C1QA: variants seen among roughly 807,000 people sequenced by gnomAD.
The protein encoded by C1QA is complement C1q A chain.
A neutral mutation model predicts 6.9 loss-of-function variants in C1QA; 3 were observed. That is an observed-to-expected ratio of 0.44 (90% CI 0.20 to 1.12). The LOEUF is 1.12. Among genes scored for constraint, C1QA ranks in the 50% most tolerant of loss-of-function variants. C1QA has a pLI of 0.27. For missense variants in C1QA, 273 were observed against 326.6 expected (o/e 0.84, Z 1.26); for synonymous variants, 128 against 134.1 (o/e 0.95, Z 0.31).
In C1QA at chr1:22,637,233, G is replaced by T. The variant is rs561847201; in HGVS notation, c.-7-377G>T. ...TTGTTCAATGAAATCGATTACCTGT[G>T]GGAGTGTATGAATGTGTGTGTCCGT... On this transcript the variant is annotated intron_variant, in intron 1 of 2. Transcript: ENST00000374642. The surrounding 1 kb of genome is among the most constrained non-coding windows in gnomAD (Gnocchi z 4.4). 6.6e-6 allele frequency among the ~76,000 whole-genome samples: 1 copy of T among 152,336 alleles called. No homozygotes were observed. Among genetic ancestry groups the T allele is most frequent in the South Asian group, 2.1e-4 (1 of 4,828 alleles).
chr1:22,638,121 T>A (rs547523108), intron 2 of C1QA, among the ~76,000 whole-genome samples: 2 of 152,272 alleles, frequency 1.3e-5, no homozygotes, highest in East Asian at 3.9e-4. Context: ...GGACTCAGAG[T>A]TTAGACTCAG....
In C1QA at chr1:22,637,666, T is replaced by C; in HGVS notation, c.50T>C (p.Leu17Pro). ...WLVLCVLAIS[L>P]ASMVTEDLCR... is the part of the protein sequence containing the mutation. ...GTGCTCTGTGTGCTGGCCATATCGC[T>C]GGCCTCTATGGTGACCGAGGACTTG... Residue 17 changes from leucine (L) to proline (P), a missense_variant, in exon 2 of 3, where the codon CTG (leucine) becomes CCG (proline). By Grantham distance (98) the Leu-to-Pro change is moderately conservative. Transcript: ENST00000374642. The surrounding 1 kb of genome is among the most constrained non-coding windows in gnomAD (Gnocchi z 4.4). The C allele has an allele frequency of 9.3e-6, 15 of 1,614,082 alleles. No homozygotes were observed. The highest frequency in any genetic ancestry group is 1.3e-5 in the Non-Finnish European group (15 of 1,179,970).
Position 22,639,378 on chromosome 1 carries a change from A to C in C1QA, c.709A>C (p.Ser237Arg). ...YQGSEADSVF[S>R]GFLIFPSA is the part of the protein sequence containing the mutation. ...GGGCTCTGAGGCCGACAGCGTCTTCAGCGGCTTCCTCATCTTCCCATCTGC... is the reference window on the plus strand; with the variant it reads ...GGGCTCTGAGGCCGACAGCGTCTTCCGCGGCTTCCTCATCTTCCCATCTGC... Residue 237 changes from serine to arginine, a missense_variant, in exon 3 of 3, where the codon AGC becomes CGC. Ser to Arg is a moderately radical substitution (Grantham distance 110). Transcript: ENST00000374642. This position sits in a 1 kb window ranked among gnomAD's most constrained non-coding sequence, Gnocchi z 4.6. 6.2e-7 allele frequency: 1 copy of C among 1,613,896 alleles called. No homozygotes were observed. The highest frequency in any genetic ancestry group is 8.5e-7 in the Non-Finnish European group (1 of 1,180,030).
In C1QA at chr1:22,639,422, C is replaced by T. The variant is rs1426904713; in HGVS notation, c.*15C>T. 1 of 1,610,440 alleles carries T rather than the reference C, an allele frequency of 6.2e-7. No homozygotes were observed. Reference sequence around the variant, plus strand: ...CATCTGCCTGAGCCAGGGAAGGACCCCCTCCCCCACCCACCTCTCTGGCTT... The same window carrying T: ...CATCTGCCTGAGCCAGGGAAGGACCTCCTCCCCCACCCACCTCTCTGGCTT... On this transcript the variant is annotated 3_prime_UTR_variant, in exon 3 of 3. Coordinates refer to ENST00000374642, the MANE Select transcript of C1QA (RefSeq NM_015991.4). This position sits in a 1 kb window ranked among gnomAD's most constrained non-coding sequence, Gnocchi z 4.6.
intron 1 of C1QA, 144 bp downstream of exon 1, chr1:22,636,846 C>T (rs1642188979): frequency 6.6e-6 from 1 of 152,632 alleles, no homozygotes; most frequent in Non-Finnish European, 1.5e-5. Flanking sequence ...AGCACTGATC[C>T]AGGACCCAGA....
Position 22,637,845 on chromosome 1 carries a change from C to T in C1QA, c.163+66C>T. ...CCTGACTTGGCCTCCAGGGTGAAGG[C>T]TTGGGGTGGCACTGAGAATCAGGAG... On this transcript the variant is annotated intron_variant, in intron 2 of 2. Coordinates refer to ENST00000374642, the MANE Select transcript of C1QA (RefSeq NM_015991.4). This position sits in a 1 kb window ranked among gnomAD's most constrained non-coding sequence, Gnocchi z 4.4. 1 of 1,490,174 alleles carries T rather than the reference C, an allele frequency of 6.7e-7. No individual in the cohort carries two copies. The highest frequency in any genetic ancestry group is 1.3e-5 in the South Asian group (1 of 76,984). 92.3% of individuals were successfully genotyped at this position (1,490,174 alleles called of 1,614,324 possible).
At position 22,639,194 on chromosome 1, in the gene C1QA, C is replaced by A; in HGVS notation, c.525C>A (p.Ile175=). The change falls in exon 3 of 3, where the codon ATC becomes ATA. Residue 175 remains isoleucine, a synonymous_variant. Coordinates refer to ENST00000374642, the MANE Select transcript of C1QA (RefSeq NM_015991.4). This position sits in a 1 kb window ranked among gnomAD's most constrained non-coding sequence, Gnocchi z 4.6. ...VLSQWEICLS[I]VSSSRGQVRR... ...CCCAGTGGGAAATCTGCCTGTCCAT[C>A]GTCTCCTCCTCAAGGGGCCAGGTCC... 6.2e-7 allele frequency: 1 copy of A among 1,614,254 alleles called. No homozygotes were observed. Among genetic ancestry groups the A allele is most frequent in the Non-Finnish European group, 8.5e-7 (1 of 1,180,046 alleles).
Position 22,637,738 on chromosome 1 carries a change from G to C in C1QA, c.122G>C (p.Arg41Thr). 6.2e-7 allele frequency: 1 copy of C among 1,607,890 alleles called. No homozygotes were observed. The highest frequency in any genetic ancestry group is 8.5e-7 in the Non-Finnish European group (1 of 1,177,652). The change falls in exon 2 of 3, where the codon AGA becomes ACA. Residue 41 changes from arginine to threonine, a missense_variant. By Grantham distance (71) the Arg-to-Thr change is moderately conservative. Transcript: ENST00000374642. The surrounding 1 kb of genome is among the most constrained non-coding windows in gnomAD (Gnocchi z 4.4). ...GKKGEAGRPG[R>T]RGRPGLKGEQ... ...AAAGGGGAGGCAGGAAGACCTGGCA[G>C]ACGGGGGCGGCCAGGCCTCAAGGGG...
chr1:22,636,717 C>G lies in C1QA; in HGVS notation c.-8+15C>G, dbSNP rs1642186944. ...ACAGGAGGCAGGTGAGGCCAGAGTCCCAGAGGGAGGGGGCTGCAGAGTTCT... is the reference window on the plus strand; with the variant it reads ...ACAGGAGGCAGGTGAGGCCAGAGTCGCAGAGGGAGGGGGCTGCAGAGTTCT... On this transcript the variant is annotated intron_variant, in intron 1 of 2. Transcript: ENST00000374642. 6.6e-6 allele frequency: 1 copy of G among 152,370 alleles called. No homozygotes were observed. The highest frequency in any genetic ancestry group is 2.4e-5 in the African/African-American group (1 of 41,408). The allele number at this position is 152,370 out of a possible 1,614,324, so 9.4% of individuals were successfully genotyped here. A position where few individuals can be genotyped will look rare whatever the true frequency, so the allele number is the denominator to read the frequency against.
In C1QA at chr1:22,639,009, A is replaced by C; in HGVS notation, c.340A>C (p.Arg114=). ...GSPGNIKDQP[R]PAFSAIRRNP... ...CCCAGGAAACATCAAGGACCAGCCG[A>C]GGCCAGCCTTCTCCGCCATTCGGCG... The change falls in exon 3 of 3, where the codon AGG becomes CGG. Residue 114 remains arginine (R), a synonymous_variant. Coordinates refer to ENST00000374642, the MANE Select transcript of C1QA (RefSeq NM_015991.4). The surrounding 1 kb of genome is among the most constrained non-coding windows in gnomAD (Gnocchi z 4.6). The C allele has an allele frequency of 6.2e-7, 1 of 1,613,808 alleles. No individual in the cohort carries two copies.
chr1:22,638,885 A>T lies in C1QA; in HGVS notation c.216A>T (p.Glu72Asp). ...GIQGLKGDQG[E>D]PGPSGNPGKV... The stretch of plus-strand genomic sequence containing the variant: ...AAGGCCTTAAAGGAGACCAGGGGGA[A>T]CCTGGGCCCTCTGGAAACCCCGGCA... The change falls in exon 3 of 3, where the codon GAA becomes GAT. Residue 72 changes from glutamate to aspartate, a missense_variant. Coordinates refer to ENST00000374642, the MANE Select transcript of C1QA (RefSeq NM_015991.4). 1 of 1,596,354 alleles carries T rather than the reference A, an allele frequency of 6.3e-7. No homozygotes were observed. The highest frequency in any genetic ancestry group is 1.1e-5 in the South Asian group (1 of 88,018).
intron 2 of C1QA, among the ~76,000 whole-genome samples, chr1:22,638,074 T>C (rs1642209808): frequency 6.6e-6 from 1 of 152,222 alleles, no homozygotes; most frequent in Non-Finnish European, 1.5e-5. Flanking sequence ...GCAGCAATGC[T>C]GAGTCCTTGT....
intron 2 of C1QA, 101 bp from the exon 3 acceptor site, chr1:22,638,732 C>A: frequency 7.5e-7 from 1 of 1,341,792 alleles, no homozygotes; most frequent in Non-Finnish European, 1.0e-6. Flanking sequence ...GGCCCAGGTG[C>A]TTCATTGCCC....
At position 22,639,214 on chromosome 1, in the gene C1QA, A is replaced by T. The variant is rs1413365170; in HGVS notation, c.545A>T (p.Gln182Leu). 3.7e-6 allele frequency: 6 copies of T among 1,614,110 alleles called. No homozygotes were observed. Among genetic ancestry groups the T allele is most frequent in the African/African-American group, 1.3e-5 (1 of 74,942 alleles). ...TCCATCGTCTCCTCCTCAAGGGGCCAGGTCCGACGCTCCCTGGGCTTCTGT... is the reference window on the plus strand; with the variant it reads ...TCCATCGTCTCCTCCTCAAGGGGCCTGGTCCGACGCTCCCTGGGCTTCTGT... ...CLSIVSSSRG[Q>L]VRRSLGFCDT... Residue 182 changes from glutamine to leucine, a missense_variant, in exon 3 of 3, where the codon CAG (glutamine) becomes CTG (leucine). Coordinates refer to ENST00000374642, the MANE Select transcript of C1QA (RefSeq NM_015991.4). This position sits in a 1 kb window ranked among gnomAD's most constrained non-coding sequence, Gnocchi z 4.6.
At chr1:22,638,396 G>A (rs948528733) in intron 2 of C1QA, among the ~76,000 whole-genome samples, 2 of 152,136 alleles carry the variant, frequency 1.3e-5, no homozygotes, top group Non-Finnish European at 2.9e-5. Context: ...AAGTAGAAAG[G>A]GAGTCTCATG....
Position 22,639,297 on chromosome 1 carries a change from C to T in C1QA, c.628C>T (p.Gln210Ter), listed in dbSNP as rs1275274159. The T allele has an allele frequency of 1.2e-6, 2 of 1,613,938 alleles. No individual in the cohort carries two copies. Among genetic ancestry groups the T allele is most frequent in the Non-Finnish European group, 1.7e-6 (2 of 1,179,954 alleles). ...VVSGGMVLQLQQGDQVWVEKD... is the reference protein window; with the variant it reads ...VVSGGMVLQL ...GTCAGGGGGCATGGTGCTTCAGCTGCAGCAGGGTGACCAGGTCTGGGTTGA... is the reference window on the plus strand; with the variant it reads ...GTCAGGGGGCATGGTGCTTCAGCTGTAGCAGGGTGACCAGGTCTGGGTTGA... The change falls in exon 3 of 3, where the codon CAG becomes TAG. Residue 210 changes from glutamine (Q) to a stop codon, truncating the protein, a stop_gained. Transcript: ENST00000374642. LOFTEE classifies it high-confidence loss of function. The surrounding 1 kb of genome is among the most constrained non-coding windows in gnomAD (Gnocchi z 4.6).
Position 22,639,164 on chromosome 1 carries a change from G to T in C1QA, c.495G>T (p.Val165=). 6.2e-7 allele frequency: 1 copy of T among 1,614,230 alleles called. No individual in the cohort carries two copies. Among genetic ancestry groups the T allele is most frequent in the Non-Finnish European group, 8.5e-7 (1 of 1,180,044 alleles). ...GCTACTACTACTTCACCTTCCAGGT[G>T]CTGTCCCAGTGGGAAATCTGCCTGT... ...VPGYYYFTFQ[V]LSQWEICLSI... The change falls in exon 3 of 3, where the codon GTG becomes GTT. Residue 165 remains valine, a synonymous_variant. Coordinates refer to ENST00000374642, the MANE Select transcript of C1QA (RefSeq NM_015991.4). This position sits in a 1 kb window ranked among gnomAD's most constrained non-coding sequence, Gnocchi z 4.6.
chr1:22,639,195 G>A lies in C1QA; in HGVS notation c.526G>A (p.Val176Ile), dbSNP rs45454296. 5 of 1,614,204 alleles carry A rather than the reference G, an allele frequency of 3.1e-6. No individual in the cohort carries two copies. Among genetic ancestry groups the A allele is most frequent in the East Asian group, 4.5e-5 (2 of 44,884 alleles). The change falls in exon 3 of 3, where the codon GTC becomes ATC. Residue 176 changes from valine (V) to isoleucine (I), a missense_variant. Physicochemically the swap from Val to Ile is conservative, Grantham distance 29. Transcript: ENST00000374642. The surrounding 1 kb of genome is among the most constrained non-coding windows in gnomAD (Gnocchi z 4.6). ...CCAGTGGGAAATCTGCCTGTCCATC[G>A]TCTCCTCCTCAAGGGGCCAGGTCCG... Reference protein sequence around the residue: ...LSQWEICLSIVSSSRGQVRRS... With the variant: ...LSQWEICLSIISSSRGQVRRS...
Position 22,639,131 on chromosome 1 carries a change from T to C in C1QA, c.462T>C (p.Thr154=), listed in dbSNP as rs757675781. The C allele has an allele frequency of 1.2e-6, 2 of 1,614,270 alleles. No individual in the cohort carries two copies. The highest frequency in any genetic ancestry group is 4.5e-5 in the East Asian group (2 of 44,884). The change falls in exon 3 of 3, where the codon ACT becomes ACC. Residue 154 remains threonine (T), a synonymous_variant. Coordinates refer to ENST00000374642, the MANE Select transcript of C1QA (RefSeq NM_015991.4). This position sits in a 1 kb window ranked among gnomAD's most constrained non-coding sequence, Gnocchi z 4.6. ...ACCACTCCGGCCGATTCGTCTGCAC[T>C]GTACCCGGCTACTACTACTTCACCT... The part of the protein sequence containing the change: ...YQNHSGRFVC[T]VPGYYYFTFQ...
Sources: allele counts gnomAD v4.1 joint callset (sites outside exome capture counted in the v4.1 genomes callset), GRCh38; gene constraint gnomAD v4.1.1; non-coding constraint Gnocchi (gnomAD v3.1); transcripts MANE v1.5; gene names NCBI Gene and HGNC (gene_info 2026-07-23, HGNC 2026-07-21).